GPSM3: variants seen among roughly 807,000 people sequenced by gnomAD.
GPSM3 encodes G protein signaling modulator 3.
GPSM3 carries 16 observed loss-of-function variants against 20.4 expected under a neutral mutation model. That is an observed-to-expected ratio of 0.78 (90% CI 0.53 to 1.19). GPSM3 has a LOEUF of 1.19. Ranked by LOEUF, GPSM3 falls within the 50% of genes most tolerant of loss-of-function variation. The probability of loss-of-function intolerance (pLI) is 0.00; values close to 1 mark genes in which losing one functional copy is unlikely to be tolerated. For missense variants in GPSM3, 177 were observed against 204.6 expected, an observed-to-expected ratio of 0.86 and a Z score of 0.82; for synonymous variants, 70 against 79.6, an observed-to-expected ratio of 0.88 and a Z score of 0.64.
chr6:32,193,903 G>A (rs1344361755), upstream of GPSM3, among the ~76,000 whole-genome samples: 2 of 152,350 alleles, frequency 1.3e-5, no homozygotes, highest in Non-Finnish European at 2.9e-5. This position sits in a 1 kb window ranked among gnomAD's most constrained non-coding sequence, Gnocchi z 4.7. Context: ...ATGGCAACCT[G>A]TCATGTTAGG....
chr6:32,193,642 T>C (rs1787684452), upstream of GPSM3, among the ~76,000 whole-genome samples: 1 of 151,938 alleles, frequency 6.6e-6, no homozygotes, highest in Non-Finnish European at 1.5e-5. This position sits in a 1 kb window ranked among gnomAD's most constrained non-coding sequence, Gnocchi z 4.7. Flanking sequence ...ATAAGAGATA[T>C]AGATATGGAA....
upstream of GPSM3, chr6:32,192,776 A>T: frequency 2.6e-6 from 1 of 389,696 alleles, no homozygotes; most frequent in East Asian, 3.7e-5. This position sits in a 1 kb window ranked among gnomAD's most constrained non-coding sequence, Gnocchi z 5.1. Flanking sequence ...ACTGGGAAAA[A>T]CTCCTCCAGC....
chr6:32,194,782 A>G (rs45592033), upstream of GPSM3: 7,762 of 230,124 alleles, frequency 0.034, 160 homozygotes, highest in Non-Finnish European at 0.041. This position sits in a 1 kb window ranked among gnomAD's most constrained non-coding sequence, Gnocchi z 4.5. Flanking sequence ...CAAAATGCTG[A>G]CATTATGCAG....
At chr6:32,193,971 G>A (rs753984236), upstream of GPSM3, among the ~76,000 whole-genome samples, 15 of 152,266 alleles carry the variant, frequency 9.9e-5, no homozygotes, top group Middle Eastern at 3.4e-3. This position sits in a 1 kb window ranked among gnomAD's most constrained non-coding sequence, Gnocchi z 4.7. Flanking sequence ...TGGTCCTGCC[G>A]CTTATTCCTT....
At chr6:32,193,560 G>C (rs1375566723), upstream of GPSM3, among the ~76,000 whole-genome samples, 3 of 152,160 alleles carry the variant, frequency 2.0e-5, no homozygotes, top group Admixed American at 6.5e-5. The surrounding 1 kb of genome is among the most constrained non-coding windows in gnomAD (Gnocchi z 4.7). Context: ...ACCAAATAGA[G>C]TACGGGAAGG....
Position 32,192,147 on chromosome 6 carries a change from C to T in GPSM3, c.145+1G>A. On this transcript the variant is annotated splice_donor_variant, in intron 2 of 3. Coordinates refer to ENST00000375040, the MANE Select transcript of GPSM3 (RefSeq NM_001276501.2). LOFTEE classifies it high-confidence loss of function. The surrounding 1 kb of genome is among the most constrained non-coding windows in gnomAD (Gnocchi z 5.1). The stretch of plus-strand genomic sequence containing the variant: ...GGCTCTCCCTGGGTGGGTAGGGGTA[C>T]CTGTGTGGCGGGTCCCTGGAGGAGG... 6.6e-7 allele frequency: 1 copy of T among 1,508,028 alleles called. No homozygotes were observed. The highest frequency in any genetic ancestry group is 8.9e-7 in the Non-Finnish European group (1 of 1,127,930). The allele number at this position is 1,508,028 out of a possible 1,614,324, so 93.4% of individuals were successfully genotyped here.
rs1318437904 is a variant in GPSM3 at position 32,191,799 on chromosome 6, G to A, written c.255C>T (p.Tyr85=). The change falls in exon 3 of 4, where the codon TAC becomes TAT. Residue 85 remains tyrosine, a synonymous_variant. Coordinates refer to ENST00000375040, the MANE Select transcript of GPSM3 (RefSeq NM_001276501.2). This position sits in a 1 kb window ranked among gnomAD's most constrained non-coding sequence, Gnocchi z 5.9. The part of the protein sequence containing the change: ...RRLEEQRATF[Y]TPQNPSSLAP... ...CTAGGCTTGAGGGGTTTTGGGGGGTGTAGAAGGTGGCCCTCTGCTCCTCCA... is the reference window on the plus strand; with the variant it reads ...CTAGGCTTGAGGGGTTTTGGGGGGTATAGAAGGTGGCCCTCTGCTCCTCCA... 8 of 1,612,478 alleles carry A rather than the reference G, an allele frequency of 5.0e-6. No homozygotes were observed. Among genetic ancestry groups the A allele is most frequent in the Non-Finnish European group, 5.9e-6 (7 of 1,179,660 alleles).
upstream of GPSM3, chr6:32,192,709 A>G (rs977580367): frequency 4.3e-6 from 2 of 461,774 alleles, no homozygotes; most frequent in Admixed American, 3.8e-5. The surrounding 1 kb of genome is among the most constrained non-coding windows in gnomAD (Gnocchi z 5.1). Context: ...AACTTCCTCC[A>G]TTCTCTTCCC....
rs775781222 is a variant in GPSM3, at chr6:32,192,192, C to T, written c.101G>A (p.Arg34Gln). 7 of 1,510,504 alleles carry T rather than the reference C, an allele frequency of 4.6e-6. No individual in the cohort carries two copies. Among genetic ancestry groups the T allele is most frequent in the Admixed American group, 2.3e-5 (1 of 43,906 alleles). 93.6% of individuals were successfully genotyped at this position (1,510,504 alleles called of 1,614,324 possible). ...PPPNSTTRPW[R>Q]SAPPSPPPPG... is the part of the protein sequence containing the mutation. ...AGGAGGAGGGGATGGAGGAGCAGAT[C>T]GCCAAGGCCGAGTGGTGGAGTTTGG... The change falls in exon 2 of 4, where the codon CGA (arginine) becomes CAA (glutamine). Residue 34 changes from arginine (R) to glutamine (Q), a missense_variant. Coordinates refer to ENST00000375040, the MANE Select transcript of GPSM3 (RefSeq NM_001276501.2). This position sits in a 1 kb window ranked among gnomAD's most constrained non-coding sequence, Gnocchi z 5.1.
chr6:32,195,353 G>GA, upstream of GPSM3: 1 of 1,299,528 alleles, frequency 7.7e-7, no homozygotes, highest in Non-Finnish European at 1.1e-6. This position sits in a 1 kb window ranked among gnomAD's most constrained non-coding sequence, Gnocchi z 5.4. Context: ...CATTTTGGGG[G>GA]ATCCATCTTA....
At chr6:32,193,963 G>T (rs1320234282), upstream of GPSM3, among the ~76,000 whole-genome samples, 2 of 152,172 alleles carry the variant, frequency 1.3e-5, no homozygotes, top group Non-Finnish European at 2.9e-5. The surrounding 1 kb of genome is among the most constrained non-coding windows in gnomAD (Gnocchi z 4.7). Context: ...AAGAGATCTG[G>T]TCCTGCCGCT....
At chr6:32,193,488 A>C (rs1787673414), upstream of GPSM3, among the ~76,000 whole-genome samples, 1 of 152,336 alleles carries the variant, frequency 6.6e-6, no homozygotes. This position sits in a 1 kb window ranked among gnomAD's most constrained non-coding sequence, Gnocchi z 4.7. Flanking sequence ...TGACAGAGCG[A>C]GACTCCGTCT....
Position 32,192,578 on chromosome 6 carries a change from G to C in GPSM3, c.-65C>G, listed in dbSNP as rs188350795. The C allele has an allele frequency of 9.1e-4, 1,146 of 1,253,906 alleles. 14 individuals carry two copies. The African/African-American group carries it at 0.014, about 15-fold the overall frequency. 77.7% of individuals were successfully genotyped at this position (1,253,906 alleles called of 1,614,324 possible). A position where few individuals can be genotyped will look rare whatever the true frequency, so the allele number is the denominator to read the frequency against. ...GATTTGGGAGGAGGGCTGGAACCTT[G>C]GGTTCCTGAGGGGAGTGGGGGCTGG... On this transcript the variant is annotated 5_prime_UTR_variant, in exon 1 of 4. Coordinates refer to ENST00000375040, the MANE Select transcript of GPSM3 (RefSeq NM_001276501.2). This position sits in a 1 kb window ranked among gnomAD's most constrained non-coding sequence, Gnocchi z 5.1.
At chr6:32,193,433 G>C (rs1017102119), upstream of GPSM3, among the ~76,000 whole-genome samples, 2 of 152,172 alleles carry the variant, frequency 1.3e-5, no homozygotes, top group Non-Finnish European at 2.9e-5. The surrounding 1 kb of genome is among the most constrained non-coding windows in gnomAD (Gnocchi z 4.7). Context: ...CCGGGAGGCG[G>C]AGGTTGCGGT....
Position 32,191,693 on chromosome 6 carries a change from TG to T in GPSM3, c.345+15del. 6.3e-7 allele frequency: 1 copy of T among 1,586,088 alleles called. No individual in the cohort carries two copies. Among genetic ancestry groups the T allele is most frequent in the Non-Finnish European group, 8.6e-7 (1 of 1,162,454 alleles). On this transcript the variant is annotated intron_variant, in intron 3 of 3. Transcript: ENST00000375040. This position sits in a 1 kb window ranked among gnomAD's most constrained non-coding sequence, Gnocchi z 5.9. ...GACCAGGAGGCCTGGGTTTGCCTCCTGGGGGGATGTCTTACCTGGTGACTGA... is the reference window on the plus strand; with the variant it reads ...GACCAGGAGGCCTGGGTTTGCCTCCTGGGGGATGTCTTACCTGGTGACTGA...
At chr6:32,193,352 T>A (rs894318798), upstream of GPSM3, among the ~76,000 whole-genome samples, 1 of 151,844 alleles carries the variant, frequency 6.6e-6, no homozygotes, top group Non-Finnish European at 1.5e-5. The surrounding 1 kb of genome is among the most constrained non-coding windows in gnomAD (Gnocchi z 4.7). Flanking sequence ...TACAAAAAAT[T>A]AGCTGGGCGT....
In GPSM3 at chr6:32,192,086, T is replaced by C; in HGVS notation, c.145+62A>G. ...GAGAGGGCCCACAATGGAGTGGGCC[T>C]TGGTAATGGGGTCAGGATGTGGGCA... On this transcript the variant is annotated intron_variant, in intron 2 of 3. Coordinates refer to ENST00000375040, the MANE Select transcript of GPSM3 (RefSeq NM_001276501.2). The surrounding 1 kb of genome is among the most constrained non-coding windows in gnomAD (Gnocchi z 5.1). 1.4e-6 allele frequency: 2 copies of C among 1,389,568 alleles called. No homozygotes were observed. The highest frequency in any genetic ancestry group is 2.7e-5 in the South Asian group (2 of 73,734). 86.1% of individuals were successfully genotyped at this position (1,389,568 alleles called of 1,614,324 possible).
chr6:32,195,247 A>C (rs1787785447), upstream of GPSM3: 1 of 611,908 alleles, frequency 1.6e-6, no homozygotes, highest in Non-Finnish European at 2.8e-6. The surrounding 1 kb of genome is among the most constrained non-coding windows in gnomAD (Gnocchi z 5.4). Context: ...TAGCATCTTA[A>C]ACCCTCTTTC....
At position 32,191,400 on chromosome 6, in the gene GPSM3, T is replaced by G; in HGVS notation, c.449A>C (p.Glu150Ala). 6.9e-6 allele frequency: 11 copies of G among 1,586,934 alleles called. No homozygotes were observed. Among genetic ancestry groups the G allele is most frequent in the Non-Finnish European group, 9.4e-6 (11 of 1,170,592 alleles). Residue 150 changes from glutamate to alanine, a missense_variant, in exon 4 of 4, where the codon GAG becomes GCG. Physicochemically the swap from Glu to Ala is moderately radical, Grantham distance 107. Transcript: ENST00000375040. This position sits in a 1 kb window ranked among gnomAD's most constrained non-coding sequence, Gnocchi z 5.9. ...GTGTGTGGGGGGCCGGGACCTTTGC[T>G]CCTCCATTCGACCCCCACCCTGAAC... The part of the protein sequence containing the change: ...LRVQGGGRME[E>A]QRSRPPTHTC
Sources: allele counts gnomAD v4.1 joint callset (sites outside exome capture counted in the v4.1 genomes callset), GRCh38; gene constraint gnomAD v4.1.1; non-coding constraint Gnocchi (gnomAD v3.1); transcripts MANE v1.5; gene names NCBI Gene and HGNC (gene_info 2026-07-23, HGNC 2026-07-21).